Variants in SEMA3E observed in about 807,000 individuals in gnomAD.
SEMA3E encodes semaphorin-3E.
In SEMA3E, 49 loss-of-function variants were observed where a neutral mutation model predicts 93.6. The ratio of observed to expected loss-of-function variants is 0.52; its 90% CI spans 0.42 to 0.66. SEMA3E has a LOEUF of 0.66. Ranked by LOEUF, SEMA3E falls within the 30% of genes least tolerant of loss-of-function variation. SEMA3E has a pLI of 0.00. For synonymous variants in SEMA3E, 363 were observed against 330.7 expected (o/e 1.10, Z -1.06); for missense variants, 906 against 964.8 (o/e 0.94, Z 0.81).
intron 5 of SEMA3E, among the ~76,000 whole-genome samples, chr7:83,416,302 C>T (rs1044138644): frequency 6.6e-6 from 1 of 152,064 alleles, no homozygotes; most frequent in Non-Finnish European, 1.5e-5. Flanking sequence ...AACAGCCACC[C>T]AGATGGCAAG....
intron 1 of SEMA3E, among the ~76,000 whole-genome samples, chr7:83,517,358 TCAA>T (rs1790951322): frequency 6.6e-6 from 1 of 152,156 alleles, no homozygotes; most frequent in African/African-American, 2.4e-5. Flanking sequence ...ACTAAAATCA[TCAA>T]CAACGTTGAA....
Position 83,470,862 on chromosome 7 carries a change from C to CTTTTTTTTTT in SEMA3E, c.277-1570_277-1561dup, listed in dbSNP as rs60392556. On this transcript the variant is annotated intron_variant, in intron 2 of 16. Transcript: ENST00000643230. The stretch of plus-strand genomic sequence containing the variant: ...TTAAGGTGTGGTTCCCCCACATTTT[C>CTTTTTTTTTT]TTTTTTTTTTTTTTTTGGATCTTAA... Among the ~76,000 whole-genome samples, 5 of 139,942 alleles carry CTTTTTTTTTT rather than the reference C, an allele frequency of 3.6e-5. 2 individuals are homozygous for CTTTTTTTTTT. Among genetic ancestry groups the CTTTTTTTTTT allele is most frequent in the Non-Finnish European group, 6.1e-5 (4 of 65,542 alleles). The allele number at this position is 139,942 out of a possible 152,430, so 91.8% of individuals were successfully genotyped here. A position where few individuals can be genotyped will look rare whatever the true frequency, so the allele number is the denominator to read the frequency against.
rs57694179 is a variant in SEMA3E at position 83,458,973 on chromosome 7, G to GTGTATATA, written c.456+7508_456+7509insTATATACA. Reference sequence around the variant, plus strand: ...TGTATATGTGTGTGTGTGTGTGTGTGTATATATATATATACACACACTGAA... The same window carrying GTGTATATA: ...TGTATATGTGTGTGTGTGTGTGTGTGTGTATATATATATATATATATACACACACTGAA... On this transcript the variant is annotated intron_variant, in intron 4 of 16. Transcript: ENST00000643230. Among the ~76,000 whole-genome samples the GTGTATATA allele has an allele frequency of 5.7e-3, 798 of 140,600 alleles. 6 individuals are homozygous for GTGTATATA. Among genetic ancestry groups the GTGTATATA allele is most frequent in the African/African-American group, 0.018 (668 of 37,406 alleles). 92.2% of individuals were successfully genotyped at this position (140,600 alleles called of 152,430 possible).
chr7:83,614,062 T>C (rs971670616), intron 1 of SEMA3E, among the ~76,000 whole-genome samples: 2 of 152,124 alleles, frequency 1.3e-5, no homozygotes, highest in Non-Finnish European at 2.9e-5. Flanking sequence ...CTTCAGTCTT[T>C]CTTGATGTTA....
intron 1 of SEMA3E, among the ~76,000 whole-genome samples, chr7:83,556,927 G>A (rs1361524637): frequency 6.6e-6 from 1 of 152,068 alleles, no homozygotes; most frequent in Non-Finnish European, 1.5e-5. Flanking sequence ...CAGTGTTCAA[G>A]GCACCATCTC....
chr7:83,444,636 TCAA>T (rs1176973016), intron 4 of SEMA3E, among the ~76,000 whole-genome samples: 3 of 150,402 alleles, frequency 2.0e-5, no homozygotes, highest in Admixed American at 6.6e-5. Context: ...CCTGCAATCA[TCAA>T]CATTTAAAAG....
chr7:83,479,711 C>A (rs2115935270), intron 2 of SEMA3E, among the ~76,000 whole-genome samples: 1 of 152,268 alleles, frequency 6.6e-6, no homozygotes, highest in South Asian at 2.1e-4. Context: ...GAGCTGTGGA[C>A]TAATTTGCCT....
chr7:83,530,881 GAA>G lies in SEMA3E; in HGVS notation c.116-40609_116-40608del, dbSNP rs34149088. 1.0e-4 allele frequency among the ~76,000 whole-genome samples: 15 copies of G among 150,526 alleles called. No individual in the cohort carries two copies. In the South Asian group the frequency reaches 1.9e-3, roughly 19 times the overall value. On this transcript the variant is annotated intron_variant, in intron 1 of 16. Transcript: ENST00000643230. Reference sequence around the variant, plus strand: ...CAACAAAAGTGAAACTCCGTCGGGGGAAAAAAAAAATTCAAGGTTCTAGATAG... The same window carrying G: ...CAACAAAAGTGAAACTCCGTCGGGGGAAAAAAAATTCAAGGTTCTAGATAG...
chr7:83,569,994 T>C (rs1792240542), intron 1 of SEMA3E, among the ~76,000 whole-genome samples: 1 of 151,916 alleles, frequency 6.6e-6, no homozygotes, highest in African/African-American at 2.4e-5. Flanking sequence ...CTTAATAAAA[T>C]CAAAAAATCA....
intron 15 of SEMA3E, among the ~76,000 whole-genome samples, chr7:83,386,753 T>C (rs949902640): frequency 1.3e-5 from 2 of 152,180 alleles, no homozygotes; most frequent in Non-Finnish European, 2.9e-5. Context: ...TTTTAATAAT[T>C]AGTTTAATAA....
intron 1 of SEMA3E, among the ~76,000 whole-genome samples, chr7:83,624,166 A>G (rs1465506120): frequency 6.6e-6 from 1 of 152,172 alleles, no homozygotes; most frequent in Non-Finnish European, 1.5e-5. Context: ...GCTATTGTGA[A>G]CAGTGCTGCA....
chr7:83,547,539 T>A (rs1791677545), intron 1 of SEMA3E, among the ~76,000 whole-genome samples: 1 of 152,136 alleles, frequency 6.6e-6, no homozygotes, highest in East Asian at 1.9e-4. Flanking sequence ...ATAAGGAAGG[T>A]AACTCGTGGT....
intron 1 of SEMA3E, among the ~76,000 whole-genome samples, chr7:83,625,886 A>T (rs1296761698): frequency 6.6e-6 from 1 of 152,016 alleles, no homozygotes; most frequent in African/African-American, 2.4e-5. Context: ...TTCCATCAAT[A>T]CCTCGTCTAT....
intron 1 of SEMA3E, among the ~76,000 whole-genome samples, chr7:83,552,678 A>G (rs12673907): frequency 0.53 from 80,422 of 151,804 alleles, 21,925 homozygotes; most frequent in Middle Eastern, 0.68. Context: ...CTCTGGGAAT[A>G]TCTGTCTTAT....
intron 4 of SEMA3E, among the ~76,000 whole-genome samples, chr7:83,419,531 T>A (rs1454649719): frequency 2.0e-5 from 3 of 152,226 alleles, no homozygotes; most frequent in Non-Finnish European, 4.4e-5. Flanking sequence ...ATGGCTGAAC[T>A]AATGTATACT....
At chr7:83,554,425 C>T (rs1303724874) in intron 1 of SEMA3E, among the ~76,000 whole-genome samples, 2 of 152,092 alleles carry the variant, frequency 1.3e-5, no homozygotes, top group Non-Finnish European at 2.9e-5. Context: ...GGTAAAGATA[C>T]GTGCACGCAA....
intron 1 of SEMA3E, among the ~76,000 whole-genome samples, chr7:83,567,478 A>C (rs933069803): frequency 6.6e-6 from 1 of 152,266 alleles, no homozygotes; most frequent in African/African-American, 2.4e-5. Context: ...CACATGAAAC[A>C]TTCCACAGGA....
intron 6 of SEMA3E, 22 bp from the exon 7 acceptor site, chr7:83,407,261 G>C (rs1019585033): frequency 6.3e-7 from 1 of 1,594,192 alleles, no homozygotes; most frequent in Non-Finnish European, 8.6e-7. Context: ...AAAAATAGGA[G>C]AAAAAGTGAA....
intron 4 of SEMA3E, among the ~76,000 whole-genome samples, chr7:83,437,448 A>T (rs1789027337): frequency 6.6e-6 from 1 of 152,132 alleles, no homozygotes; most frequent in African/African-American, 2.4e-5. Context: ...AAATTTTATG[A>T]CTTAAAATTT....
Sources: gnomAD v4.1 joint callset for allele counts (sites outside exome capture counted in the v4.1 genomes callset) on GRCh38, gnomAD v4.1.1 for gene constraint, MANE v1.5 for transcripts, NCBI Gene and HGNC (gene_info 2026-07-23, HGNC 2026-07-21) for gene names.